Variants in SLC24A3 observed in about 807,000 individuals in gnomAD.
SLC24A3 encodes the protein sodium/potassium/calcium exchanger 3.
Under a neutral mutation model 75.8 loss-of-function variants are expected in SLC24A3, and 28 were observed. That is an observed-to-expected ratio of 0.37 (90% CI 0.27 to 0.51). The LOEUF is 0.51. Among genes scored for constraint, SLC24A3 ranks in the 20% least tolerant of loss-of-function variants. The pLI is 0.94. For synonymous variants in SLC24A3, 372 were observed against 334.1 expected (o/e 1.11, Z -1.24); for missense variants, 663 against 847.8 (o/e 0.78, Z 2.71).
chr20:19,474,247 A>G (rs1374543166), intron 2 of SLC24A3, among the ~76,000 whole-genome samples: 1 of 152,238 alleles, frequency 6.6e-6, no homozygotes, highest in Non-Finnish European at 1.5e-5. Context: ...ATATGACTTC[A>G]GGTGATCAAG....
chr20:19,608,201 G>A (rs562045803), intron 6 of SLC24A3, among the ~76,000 whole-genome samples: 2 of 152,206 alleles, frequency 1.3e-5, no homozygotes, highest in Non-Finnish European at 2.9e-5. Context: ...GGTGTGGGCC[G>A]ATGATAGTCT....
chr20:19,703,525 T>C (rs920483895), intron 15 of SLC24A3, among the ~76,000 whole-genome samples: 2 of 152,244 alleles, frequency 1.3e-5, no homozygotes, highest in Admixed American at 6.5e-5. Flanking sequence ...CCTGAGATCT[T>C]TGCCATGTGT....
chr20:19,555,806 C>T (rs1303929740), intron 3 of SLC24A3, among the ~76,000 whole-genome samples: 1 of 152,160 alleles, frequency 6.6e-6, no homozygotes, highest in African/African-American at 2.4e-5. Context: ...TACACCACAC[C>T]AAGGGTTTCA....
intron 8 of SLC24A3, among the ~76,000 whole-genome samples, chr20:19,668,682 G>T (rs920615523): frequency 7.2e-5 from 11 of 152,214 alleles, no homozygotes; most frequent in African/African-American, 2.4e-4. Flanking sequence ...GCAGCATTCT[G>T]CAGGAAGTCA....
intron 2 of SLC24A3, among the ~76,000 whole-genome samples, chr20:19,434,678 A>G (rs1389558342): frequency 6.6e-6 from 1 of 151,534 alleles, no homozygotes; most frequent in African/African-American, 2.4e-5. Context: ...CTGGATGGTT[A>G]TTTGTTCTTG....
At chr20:19,352,101 A>T (rs1362407289) in intron 2 of SLC24A3, among the ~76,000 whole-genome samples, 1 of 144,312 alleles carries the variant, frequency 6.9e-6, no homozygotes, top group Non-Finnish European at 1.5e-5. Flanking sequence ...AGGGCAGCTC[A>T]GCCTTGGCCT....
At chr20:19,604,414 C>T (rs762240726) in intron 6 of SLC24A3, among the ~76,000 whole-genome samples, 5 of 152,068 alleles carry the variant, frequency 3.3e-5, no homozygotes, top group Non-Finnish European at 5.9e-5. Flanking sequence ...CAGAGTGACT[C>T]GGTTAGGGGA....
chr20:19,655,754 G>T (rs1233922590), intron 7 of SLC24A3, among the ~76,000 whole-genome samples: 1 of 152,118 alleles, frequency 6.6e-6, no homozygotes, highest in African/African-American at 2.4e-5. Context: ...TGGGCCTTTG[G>T]ATTCAAATTG....
At chr20:19,415,921 T>G (rs552356484) in intron 2 of SLC24A3, among the ~76,000 whole-genome samples, 37 of 152,314 alleles carry the variant, frequency 2.4e-4, no homozygotes, top group African/African-American at 8.9e-4. Context: ...TTCTCTAGAT[T>G]GTGCAAGGTG....
intron 3 of SLC24A3, among the ~76,000 whole-genome samples, chr20:19,576,601 G>A (rs899687605): frequency 2.0e-5 from 3 of 152,106 alleles, no homozygotes; most frequent in African/African-American, 7.2e-5. Context: ...GCCTCATGCT[G>A]CCCAGCTCAC....
intron 2 of SLC24A3, among the ~76,000 whole-genome samples, chr20:19,309,810 A>G (rs899576389): frequency 8.4e-5 from 12 of 143,392 alleles, no homozygotes; most frequent in African/African-American, 3.2e-4. Flanking sequence ...CCAACATAGA[A>G]TCATCATTTG....
intron 2 of SLC24A3, among the ~76,000 whole-genome samples, chr20:19,514,475 A>G (rs1309248799): frequency 6.6e-6 from 1 of 152,216 alleles, no homozygotes; most frequent in East Asian, 1.9e-4. Context: ...GACATCATCA[A>G]GCTCAGAGGG....
chr20:19,511,853 GGTGA>G (rs1270495902), intron 2 of SLC24A3, among the ~76,000 whole-genome samples: 1 of 120,930 alleles, frequency 8.3e-6, no homozygotes, highest in Non-Finnish European at 1.9e-5. Context: ...AAGTTTGCTA[GGTGA>G]GTATTTAACC....
At chr20:19,271,049 T>C (rs1983315629) in intron 1 of SLC24A3, among the ~76,000 whole-genome samples, 1 of 152,110 alleles carries the variant, frequency 6.6e-6, no homozygotes, top group Non-Finnish European at 1.5e-5. Flanking sequence ...CTGAAGACCA[T>C]CACAAGAAAG....
intron 12 of SLC24A3, 126 bp downstream of exon 12, chr20:19,685,487 A>G (rs1280814161): frequency 2.8e-6 from 4 of 1,436,132 alleles, no homozygotes; most frequent in Middle Eastern, 2.3e-4. Context: ...GAGACTATGT[A>G]TATCAAGTCT....
At chr20:19,592,519 G>C (rs1368909763) in intron 6 of SLC24A3, among the ~76,000 whole-genome samples, 1 of 152,100 alleles carries the variant, frequency 6.6e-6, no homozygotes, top group Non-Finnish European at 1.5e-5. Flanking sequence ...CGGTGCAATG[G>C]GGGAAAGAAA....
chr20:19,499,156 G>A (rs774840306), intron 2 of SLC24A3, among the ~76,000 whole-genome samples: 2 of 152,214 alleles, frequency 1.3e-5, no homozygotes, highest in Non-Finnish European at 2.9e-5. Context: ...GCCGGTCAAC[G>A]CCTAAAAATG....
intron 2 of SLC24A3, among the ~76,000 whole-genome samples, chr20:19,505,912 CCCCTATCCATATTTCT>C (rs1159907595): frequency 6.6e-6 from 1 of 152,172 alleles, no homozygotes; most frequent in South Asian, 2.1e-4. Flanking sequence ...TTGGGAAACT[CCCCTATCCATATTTCT>C]CCCTCTCCAT....
chr20:19,616,384 T>C lies in SLC24A3; in HGVS notation c.612+30840T>C, dbSNP rs1568673912. ...AGTTTGTGTGTCACCTCTCCATGCCTGCCACGTGTGCTTTACAGCCCTCTA... is the reference window on the plus strand; with the variant it reads ...AGTTTGTGTGTCACCTCTCCATGCCCGCCACGTGTGCTTTACAGCCCTCTA... On this transcript the variant is annotated intron_variant, in intron 6 of 16. Transcript: ENST00000328041. Among the ~76,000 whole-genome samples, 5 of 152,248 alleles carry C rather than the reference T, an allele frequency of 3.3e-5. No individual in the cohort carries two copies. The South Asian group carries it at 1.0e-3, about 32-fold the overall frequency.
Sources: gnomAD v4.1 joint callset for allele counts (sites outside exome capture counted in the v4.1 genomes callset) on GRCh38, gnomAD v4.1.1 for gene constraint, MANE v1.5 for transcripts, NCBI Gene and HGNC (gene_info 2026-07-23, HGNC 2026-07-21) for gene names.